Variants in GRM1 observed in about 807,000 individuals in gnomAD.
GRM1 encodes the protein metabotropic glutamate receptor 1.
A neutral mutation model predicts 90.9 loss-of-function variants in GRM1; 33 were observed. That is an observed-to-expected ratio of 0.36 (90% CI 0.28 to 0.49). The LOEUF (loss-of-function observed/expected upper bound fraction) is 0.49. GRM1 is among the 20% of genes least tolerant of loss of function. The pLI is 0.99. For missense variants in GRM1, 1,190 were observed against 1,534.3 expected, an observed-to-expected ratio of 0.78 and a Z score of 3.75; for synonymous variants, 700 against 613.2, an observed-to-expected ratio of 1.14 and a Z score of -2.09.
chr6:146,358,672 C>T (rs940244525), intron 5 of GRM1, among the ~76,000 whole-genome samples: 1 of 152,136 alleles, frequency 6.6e-6, no homozygotes, highest in African/African-American at 2.4e-5. Flanking sequence ...ACTGAAGGGT[C>T]CCCAGGGCAA....
intron 2 of GRM1, among the ~76,000 whole-genome samples, chr6:146,292,687 C>T (rs1322603089): frequency 6.6e-6 from 1 of 151,898 alleles, no homozygotes; most frequent in Non-Finnish European, 1.5e-5. Flanking sequence ...AATAGTGCAG[C>T]TGCCAAGGAA....
At chr6:146,233,156 T>C (rs934530622) in intron 2 of GRM1, among the ~76,000 whole-genome samples, 28 of 152,136 alleles carry the variant, frequency 1.8e-4, no homozygotes, top group African/African-American at 6.5e-4. Context: ...CTAATTGCCC[T>C]GGGTTCAGTT....
In GRM1 at chr6:146,322,545, A is replaced by G. The variant is rs545192070; in HGVS notation, c.1186+17699A>G. Among the ~76,000 whole-genome samples the G allele has an allele frequency of 8.9e-4, 133 of 150,184 alleles. 1 individual carries two copies. Among genetic ancestry groups the G allele is most frequent in the African/African-American group, 3.2e-3 (128 of 39,928 alleles). On this transcript the variant is annotated intron_variant, in intron 3 of 7. Transcript: ENST00000282753. ...TCCCAGGGAGATGGGAGTTTTATCT[A>G]TCAGCACCTGACTGGGGCTGCTGCC...
At chr6:146,389,151 A>G (rs1313037340) in intron 6 of GRM1, among the ~76,000 whole-genome samples, 1 of 151,946 alleles carries the variant, frequency 6.6e-6, no homozygotes, top group Non-Finnish European at 1.5e-5. Context: ...ATTGTGTTTG[A>G]GAGCTGGGGT....
intron 2 of GRM1, among the ~76,000 whole-genome samples, chr6:146,196,408 C>T (rs2114599917): frequency 6.6e-6 from 1 of 151,560 alleles, no homozygotes; most frequent in South Asian, 2.1e-4. Flanking sequence ...CTGCCTCAGC[C>T]TCCCAAGTAG....
Position 146,197,116 on chromosome 6 carries a change from A to G in GRM1, c.950+37519A>G, listed in dbSNP as rs534457200. On this transcript the variant is annotated intron_variant, in intron 2 of 7. Coordinates refer to ENST00000282753, the MANE Select transcript of GRM1 (RefSeq NM_001278064.2). Reference sequence around the variant, plus strand: ...AGCACAGACAGGAGATACTTTGTGGAGGACATAGAACTCAGAAACGAGAAC... The same window carrying G: ...AGCACAGACAGGAGATACTTTGTGGGGGACATAGAACTCAGAAACGAGAAC... Among the ~76,000 whole-genome samples the G allele has an allele frequency of 2.6e-5, 4 of 152,338 alleles. No homozygotes were observed. The East Asian group carries it at 5.8e-4, about 22-fold the overall frequency.
Position 146,352,634 on chromosome 6 carries a change from A to T in GRM1, c.1433+138A>T, listed in dbSNP as rs887956309. On this transcript the variant is annotated intron_variant, in intron 4 of 7. Transcript: ENST00000282753. ...CAACTAGGTAGCAAAAAGTCCAGGGATAATATCAGATGAAATTACCAAAGA... is the reference window on the plus strand; with the variant it reads ...CAACTAGGTAGCAAAAAGTCCAGGGTTAATATCAGATGAAATTACCAAAGA... 3 of 820,516 alleles carry T rather than the reference A, an allele frequency of 3.7e-6. No individual in the cohort carries two copies. In the African/African-American group the frequency reaches 5.0e-5, roughly 14 times the overall value. The allele number at this position is 820,516 out of a possible 1,614,324, so 50.8% of individuals were successfully genotyped here.
chr6:146,137,626 G>A (rs1287107821), intron 1 of GRM1, among the ~76,000 whole-genome samples: 3 of 152,020 alleles, frequency 2.0e-5, no homozygotes, highest in Non-Finnish European at 1.5e-5. Context: ...CCTCAGGATA[G>A]CTTTGGCTAT....
chr6:146,097,834 G>A lies in GRM1; in HGVS notation c.701-61514G>A, dbSNP rs1440968257. ...ATGACAACCTGTCCTGATTTACACA[G>A]TCAGAATTAAATATTCCTACAGCAT... On this transcript the variant is annotated intron_variant, in intron 1 of 7. Transcript: ENST00000282753. Among the ~76,000 whole-genome samples the A allele has an allele frequency of 2.0e-5, 3 of 152,300 alleles. No individual in the cohort carries two copies. In the East Asian group the frequency reaches 5.8e-4, roughly 29 times the overall value.
chr6:146,434,496 C>T lies in GRM1; in HGVS notation c.3285C>T (p.Asp1095=), dbSNP rs568155311. 5.6e-6 allele frequency: 9 copies of T among 1,612,952 alleles called. No homozygotes were observed. Among genetic ancestry groups the T allele is most frequent in the Non-Finnish European group, 7.6e-6 (9 of 1,179,254 alleles). The change falls in exon 8 of 8, where the codon GAC becomes GAT. Residue 1095 remains aspartate, a synonymous_variant. Coordinates refer to ENST00000282753, the MANE Select transcript of GRM1 (RefSeq NM_001278064.2). The part of the protein sequence containing the change: ...FGEELVSPPA[D]DDDDSERFKL... ...AGGAGCTGGTCTCCCCGCCCGCGGA[C>T]GACGACGACGACAGCGAGAGGTTTA...
intron 2 of GRM1, among the ~76,000 whole-genome samples, chr6:146,211,361 G>A (rs1307852646): frequency 2.0e-5 from 3 of 147,352 alleles, no homozygotes; most frequent in African/African-American, 7.8e-5. Context: ...AAAAAAAAAA[G>A]GAAAGCAAAG....
At chr6:146,231,839 A>G (rs965809141) in intron 2 of GRM1, among the ~76,000 whole-genome samples, 1 of 150,734 alleles carries the variant, frequency 6.6e-6, no homozygotes, top group African/African-American at 2.5e-5. Context: ...GAGGTTTTAC[A>G]TCTATATTCA....
chr6:146,209,308 G>C (rs998872551), intron 2 of GRM1, among the ~76,000 whole-genome samples: 3 of 152,028 alleles, frequency 2.0e-5, no homozygotes, highest in Non-Finnish European at 2.9e-5. Context: ...CATCCACCTG[G>C]GATGATTTGT....
At chr6:146,397,503 AAAGC>A (rs1435708555) in intron 6 of GRM1, among the ~76,000 whole-genome samples, 1 of 150,940 alleles carries the variant, frequency 6.6e-6, no homozygotes, top group Non-Finnish European at 1.5e-5. Flanking sequence ...AAAAAAAAAA[AAAGC>A]ACAAAAGCTA....
chr6:146,106,801 A>G (rs1247408184), intron 1 of GRM1, among the ~76,000 whole-genome samples: 1 of 152,204 alleles, frequency 6.6e-6, no homozygotes, highest in African/African-American at 2.4e-5. Flanking sequence ...AGAACTAACA[A>G]ACACCTTTGC....
intron 1 of GRM1, among the ~76,000 whole-genome samples, chr6:146,101,388 A>G (rs11155451): frequency 0.36 from 55,282 of 151,782 alleles, 10,951 homozygotes; most frequent in Middle Eastern, 0.52. Context: ...CCACTGAGCT[A>G]CTCTCTTTAT....
intron 2 of GRM1, among the ~76,000 whole-genome samples, chr6:146,161,301 TA>T (rs1777715185): frequency 6.6e-6 from 1 of 152,222 alleles, no homozygotes; most frequent in Admixed American, 6.5e-5. Context: ...ATAGACTACC[TA>T]ATTATGAAAC....
In GRM1 at chr6:146,389,442, G is replaced by A. The variant is rs191037467; in HGVS notation, c.1729+2426G>A. Reference sequence around the variant, plus strand: ...AGCTTTTTAAAAAACATGATATGATGTAATAGTGGAACTCAAGGTCATACC... The same window carrying A: ...AGCTTTTTAAAAAACATGATATGATATAATAGTGGAACTCAAGGTCATACC... On this transcript the variant is annotated intron_variant, in intron 6 of 7. Transcript: ENST00000282753. 3.3e-3 allele frequency among the ~76,000 whole-genome samples: 497 copies of A among 152,080 alleles called. 1 individual carries two copies. The highest frequency in any genetic ancestry group is 5.6e-3 in the Non-Finnish European group (382 of 67,958).
intron 1 of GRM1, among the ~76,000 whole-genome samples, chr6:146,122,381 T>C (rs1313692039): frequency 2.6e-5 from 4 of 152,152 alleles, no homozygotes; most frequent in African/African-American, 7.2e-5. Flanking sequence ...ATTCCACAAA[T>C]TTGCCCCACC....
Sources: gnomAD v4.1 joint callset for allele counts (sites outside exome capture counted in the v4.1 genomes callset) on GRCh38, gnomAD v4.1.1 for gene constraint, MANE v1.5 for transcripts, NCBI Gene and HGNC (gene_info 2026-07-23, HGNC 2026-07-21) for gene names.